RUBCN: variants seen among roughly 807,000 people sequenced by gnomAD.
The protein encoded by RUBCN is run domain Beclin-1-interacting and cysteine-rich domain-containing protein.
Under a neutral mutation model 113.2 loss-of-function variants are expected in RUBCN, and 74 were observed. That is an observed-to-expected ratio of 0.65 (90% CI 0.54 to 0.79). The LOEUF is 0.79. Ranked by LOEUF, RUBCN falls within the 30% of genes least tolerant of loss-of-function variation. The pLI is 0.00. For missense variants in RUBCN, 1,109 were observed against 1,251.7 expected (o/e 0.89, Z 1.72); for synonymous variants, 480 against 490.0 (o/e 0.98, Z 0.27).
chr3:197,693,589 T>C (rs1426527817), intron 11 of RUBCN, 126 bp downstream of exon 11: 1 of 729,000 alleles, frequency 1.4e-6, no homozygotes, highest in Non-Finnish European at 2.4e-6. Flanking sequence ...CAGAAGGCTG[T>C]CCCTTACAAT....
Position 197,691,655 on chromosome 3 carries a change from T to A in RUBCN, c.1786+2060A>T, listed in dbSNP as rs144236024. On this transcript the variant is annotated intron_variant, in intron 11 of 19. Coordinates refer to ENST00000296343, the MANE Select transcript of RUBCN (RefSeq NM_014687.4). ...CCGCAGCAACAGTTTCTAACAGGAG[T>A]GTGCTTTGGGCCTCTCTCTCGGCAG... 3.9e-5 allele frequency among the ~76,000 whole-genome samples: 6 copies of A among 151,992 alleles called. No individual in the cohort carries two copies. The East Asian group carries it at 1.2e-3, about 29-fold the overall frequency.
chr3:197,726,719 T>C (rs1438987699), intron 1 of RUBCN, among the ~76,000 whole-genome samples: 1 of 151,124 alleles, frequency 6.6e-6, no homozygotes, highest in Non-Finnish European at 1.5e-5. Flanking sequence ...TTTTGTATTT[T>C]TTAGTAGAGA....
Position 197,681,458 on chromosome 3 carries a change from A to C in RUBCN, c.2192-91T>G. ...CTGCTTTTCCCTTGAAAGGGCAGAG[A>C]GGGACAGCCAATGGCCTCCAGCAAC... On this transcript the variant is annotated intron_variant, in intron 15 of 19. Transcript: ENST00000296343. This position sits in a 1 kb window ranked among gnomAD's most constrained non-coding sequence, Gnocchi z 5.5. The C allele has an allele frequency of 1.0e-6, 1 of 983,966 alleles. No individual in the cohort carries two copies. Among genetic ancestry groups the C allele is most frequent in the South Asian group, 1.3e-5 (1 of 75,794 alleles). The allele number at this position is 983,966 out of a possible 1,614,324, so 61.0% of individuals were successfully genotyped here.
At chr3:197,723,526 T>C (rs1726400622) in intron 1 of RUBCN, among the ~76,000 whole-genome samples, 1 of 152,154 alleles carries the variant, frequency 6.6e-6, no homozygotes, top group Non-Finnish European at 1.5e-5. Flanking sequence ...TTAAGTTTGA[T>C]CATAAAGATA....
Position 197,674,927 on chromosome 3 carries a change from A to G in RUBCN, c.*91T>C, listed in dbSNP as rs549249918. On this transcript the variant is annotated 3_prime_UTR_variant, in exon 20 of 20. Coordinates refer to ENST00000296343, the MANE Select transcript of RUBCN (RefSeq NM_014687.4). ...GATAATTAAAAAAAAAAAAAAAAAAAGAAGCCCCAGGTGGGGCGAGTCCTT... is the reference window on the plus strand; with the variant it reads ...GATAATTAAAAAAAAAAAAAAAAAAGGAAGCCCCAGGTGGGGCGAGTCCTT... The G allele has an allele frequency of 9.9e-7, 1 of 1,006,060 alleles. No individual in the cohort carries two copies. Among genetic ancestry groups the G allele is most frequent in the Non-Finnish European group, 1.4e-6 (1 of 719,784 alleles). The allele number at this position is 1,006,060 out of a possible 1,614,324, so 62.3% of individuals were successfully genotyped here.
intron 17 of RUBCN, 111 bp downstream of exon 17, chr3:197,677,369 C>A (rs1173300867): frequency 3.2e-6 from 3 of 941,228 alleles, no homozygotes; most frequent in Middle Eastern, 2.1e-4. Context: ...CTTTACAGTT[C>A]TGCAAAATCT....
At chr3:197,688,837 G>C (rs867365651) in intron 11 of RUBCN, among the ~76,000 whole-genome samples, 1 of 152,156 alleles carries the variant, frequency 6.6e-6, no homozygotes, top group Admixed American at 6.6e-5. Flanking sequence ...TCCAGAAAAG[G>C]CAAATCTACA....
intron 1 of RUBCN, among the ~76,000 whole-genome samples, chr3:197,719,555 T>C (rs1279180472): frequency 6.6e-6 from 1 of 151,766 alleles, no homozygotes; most frequent in African/African-American, 2.4e-5. Context: ...AGGGCTTTGA[T>C]TCCAAAATTA....
At chr3:197,678,254 ACT>A (rs1177655986) in intron 16 of RUBCN, among the ~76,000 whole-genome samples, 20 of 149,848 alleles carry the variant, frequency 1.3e-4, no homozygotes, top group African/African-American at 4.9e-4. Context: ...ACTGTCCCAC[ACT>A]CTGACTGACA....
chr3:197,711,662 G>A (rs1485824598), intron 2 of RUBCN, among the ~76,000 whole-genome samples: 3 of 151,664 alleles, frequency 2.0e-5, no homozygotes, highest in African/African-American at 7.3e-5. Context: ...GTGAGACCCT[G>A]TCTTTAAAAA....
At position 197,736,787 on chromosome 3, in the gene RUBCN, G is replaced by A; in HGVS notation, c.-68C>T. The A allele has an allele frequency of 6.7e-7, 1 of 1,485,482 alleles. No individual in the cohort carries two copies. Among genetic ancestry groups the A allele is most frequent in the Non-Finnish European group, 8.9e-7 (1 of 1,125,434 alleles). 92.0% of individuals were successfully genotyped at this position (1,485,482 alleles called of 1,614,324 possible). On this transcript the variant is annotated 5_prime_UTR_variant, in exon 1 of 20. Coordinates refer to ENST00000296343, the MANE Select transcript of RUBCN (RefSeq NM_014687.4). ...TGCCGCTTCGCCCTTCAGGGCTCCCGGGGCCCCCTGGGGCCGGAGGAGGCA... is the reference window on the plus strand; with the variant it reads ...TGCCGCTTCGCCCTTCAGGGCTCCCAGGGCCCCCTGGGGCCGGAGGAGGCA...
intron 1 of RUBCN, among the ~76,000 whole-genome samples, chr3:197,734,349 A>G (rs1217691623): frequency 6.7e-6 from 1 of 150,336 alleles, no homozygotes; most frequent in Admixed American, 6.7e-5. Context: ...GCTGGAGAAT[A>G]TCTTGAGCCC....
At chr3:197,696,060 A>G (rs181790077) in intron 8 of RUBCN, 79 bp from the exon 9 acceptor site, 1 of 1,339,554 alleles carries the variant, frequency 7.5e-7, no homozygotes, top group Non-Finnish European at 1.1e-6. Context: ...GATGCTCCCA[A>G]GTCTTCCCAG....
At chr3:197,687,076 A>G (rs1721933068) in intron 11 of RUBCN, among the ~76,000 whole-genome samples, 1 of 152,242 alleles carries the variant, frequency 6.6e-6, no homozygotes, top group African/African-American at 2.4e-5. Context: ...TAAACAAAGT[A>G]AGTGAGTCAC....
chr3:197,700,618 G>A lies in RUBCN; in HGVS notation c.1256C>T (p.Ala419Val), dbSNP rs1723536916. Residue 419 changes from alanine (A) to valine (V), a missense_variant, in exon 7 of 20, where the codon GCT becomes GTT. By Grantham distance (64) the Ala-to-Val change is moderately conservative. This residue lies in a region of RUBCN where 736 missense variants were observed against 779.6 expected (regional missense o/e 0.94). Coordinates refer to ENST00000296343, the MANE Select transcript of RUBCN (RefSeq NM_014687.4). Reference protein sequence around the residue: ...HSDTSIASRGAPESCNDKAKL... With the variant: ...HSDTSIASRGVPESCNDKAKL... ...CAGCCGGTGTTCCTCATTACCTGGA[G>A]CTCCCCTGGAGGCAATGCTGGTATC... The A allele has an allele frequency of 2.5e-6, 4 of 1,614,144 alleles. No homozygotes were observed. The highest frequency in any genetic ancestry group is 2.5e-6 in the Non-Finnish European group (3 of 1,180,022).
chr3:197,736,547 C>CA, intron 1 of RUBCN, 108 bp downstream of exon 1: 1 of 1,122,462 alleles, frequency 8.9e-7, no homozygotes, highest in Non-Finnish European at 1.3e-6. Context: ...CCGTCGTCCT[C>CA]AAGACTCGTC....
At chr3:197,677,353 T>C (rs1460121164) in intron 17 of RUBCN, 127 bp downstream of exon 17, 1 of 834,856 alleles carries the variant, frequency 1.2e-6, no homozygotes, top group African/African-American at 1.7e-5. Flanking sequence ...GGCCTCCTGT[T>C]TACCACTTTA....
chr3:197,684,707 C>T (rs1256495331), intron 11 of RUBCN, among the ~76,000 whole-genome samples: 3 of 150,406 alleles, frequency 2.0e-5, no homozygotes, highest in Non-Finnish European at 4.4e-5. Context: ...TACATATATA[C>T]GCACACACAT....
intron 1 of RUBCN, among the ~76,000 whole-genome samples, chr3:197,744,059 C>A (rs1446011759): frequency 6.6e-6 from 1 of 151,232 alleles, no homozygotes; most frequent in African/African-American, 2.4e-5. Flanking sequence ...ATCTATATAT[C>A]ATATAATATA....
Sources: gnomAD v4.1 joint callset for allele counts (sites outside exome capture counted in the v4.1 genomes callset) on GRCh38, gnomAD v4.1.1 for gene constraint, gnomAD v4.1.1 regional missense constraint, Gnocchi (gnomAD v3.1) non-coding constraint, MANE v1.5 for transcripts, NCBI Gene and HGNC (gene_info 2026-07-23, HGNC 2026-07-21) for gene names.